The following POSTN variants were observed in gnomAD, a reference collection of about 807,000 sequenced individuals.
POSTN encodes osteoblast specific factor 2 (fasciclin I-like).
Under a neutral mutation model 104.5 loss-of-function variants are expected in POSTN, and 71 were observed. The observed-to-expected ratio is 0.68, with a 90% CI of 0.56 to 0.83. POSTN has a LOEUF of 0.83. POSTN is among the 40% of genes least tolerant of loss of function. The pLI is 0.00. For missense variants in POSTN, 949 were observed against 1,006.8 expected (o/e 0.94, Z 0.78); for synonymous variants, 355 against 340.7 (o/e 1.04, Z -0.46).
chr13:37,567,164 A>T (rs1244296915), intron 21 of POSTN, among the ~76,000 whole-genome samples: 1 of 129,482 alleles, frequency 7.7e-6, no homozygotes, highest in Non-Finnish European at 1.6e-5. Flanking sequence ...TGAACCCGGG[A>T]GGCGGAGCTT....
At chr13:37,569,429 A>G (rs907775826) in intron 20 of POSTN, 46 bp from the exon 21 acceptor site, 2 of 1,394,054 alleles carry the variant, frequency 1.4e-6, no homozygotes, top group African/African-American at 2.8e-5. Context: ...ATATAACAAA[A>G]TAAAGACAGC....
intron 22 of POSTN, 30 bp from the exon 23 acceptor site, chr13:37,563,400 CTGTAAA>C: frequency 6.9e-7 from 1 of 1,445,566 alleles, no homozygotes; most frequent in East Asian, 2.3e-5. Flanking sequence ...AATGTATAGA[CTGTAAA>C]TGTTAGGAAA....
At chr13:37,585,532 G>A (rs1300202855) in intron 7 of POSTN, among the ~76,000 whole-genome samples, 1 of 152,154 alleles carries the variant, frequency 6.6e-6, no homozygotes, top group Non-Finnish European at 1.5e-5. Context: ...GCAACTTCTA[G>A]AAAGTAACCA....
chr13:37,574,941 A>G (rs144786017), intron 16 of POSTN, among the ~76,000 whole-genome samples: 1 of 152,122 alleles, frequency 6.6e-6, no homozygotes, highest in Non-Finnish European at 1.5e-5. Context: ...TGTACCGCTA[A>G]AGCGCTTTAC....
At position 37,569,399 on chromosome 13, in the gene POSTN, T is replaced by C. The variant is rs757277314; in HGVS notation, c.2348-16A>G. 2 of 1,584,268 alleles carry C rather than the reference T, an allele frequency of 1.3e-6. No homozygotes were observed. The highest frequency in any genetic ancestry group is 1.3e-5 in the African/African-American group (1 of 74,208). ...TTGGTGACCTCTGAGAGGATACATG[T>C]TTATAGCAGAAATTGGTTTATATAA... On this transcript the variant is annotated splice_polypyrimidine_tract_variant and intron_variant, in intron 20 of 22. Transcript: ENST00000379747.
At position 37,590,467 on chromosome 13, in the gene POSTN, A is replaced by G. The variant is rs767199798; in HGVS notation, c.346T>C (p.Tyr116His). The G allele has an allele frequency of 6.8e-6, 11 of 1,613,442 alleles. No homozygotes were observed. The South Asian group carries it at 1.2e-4, about 18-fold the overall frequency. ...TCCCTCAGTTTTGAGGCGTCAGAAT[A>G]GCGCTGCGTTGTGGTGGCTCCCACG... ...GIVGATTTQR[Y>H]SDASKLREEI... Residue 116 changes from tyrosine (Y) to histidine (H), a missense_variant, in exon 4 of 23, where the codon TAT (tyrosine) becomes CAT (histidine). Physicochemically the swap from Tyr to His is moderately conservative, Grantham distance 83. Transcript: ENST00000379747.
chr13:37,564,197 T>C (rs1215988244), intron 22 of POSTN, among the ~76,000 whole-genome samples: 8,889 of 40,686 alleles, frequency 0.22, 724 homozygotes, highest in African/African-American at 0.33. Flanking sequence ...TATATATATA[T>C]ATATATATAT....
At position 37,598,663 on chromosome 13, in the gene POSTN, T is replaced by C. The variant is rs1049676466; in HGVS notation, c.64A>G (p.Asn22Asp). 20 of 1,613,482 alleles carry C rather than the reference T, an allele frequency of 1.2e-5. No individual in the cohort carries two copies. The highest frequency in any genetic ancestry group is 5.0e-5 in the Admixed American group (3 of 59,984). Residue 22 changes from asparagine (N) to aspartate (D), a missense_variant, in exon 1 of 23, where the codon AAC (asparagine) becomes GAC (aspartate). Physicochemically the swap from Asn to Asp is conservative, Grantham distance 23. Transcript: ENST00000379747. ...LLLIVNPINA[N>D]NHYDKILAHS... ...GCCAAGATCTTGTCATAATGATTGT[T>C]GGCGTTTATAGGGTTAACAATAAGC...
chr13:37,586,969 T>G, intron 5 of POSTN, 41 bp from the exon 6 acceptor site: 1 of 1,598,046 alleles, frequency 6.3e-7, no homozygotes, highest in Non-Finnish European at 8.6e-7. Context: ...AAACCAGAGA[T>G]ACCCATTGAC....
chr13:37,581,450 C>A (rs141547364), intron 10 of POSTN, among the ~76,000 whole-genome samples: 1 of 152,100 alleles, frequency 6.6e-6, no homozygotes, highest in Non-Finnish European at 1.5e-5. Context: ...CTGGGTGCAG[C>A]GGCTCATGCC....
At chr13:37,586,397 G>T in intron 6 of POSTN, 117 bp from the exon 7 acceptor site, 1 of 1,097,274 alleles carries the variant, frequency 9.1e-7, no homozygotes, top group Non-Finnish European at 1.3e-6. Context: ...GAGGTTTGTT[G>T]TTGTTAAATC....
chr13:37,580,303 A>G (rs1430467388), intron 11 of POSTN, among the ~76,000 whole-genome samples: 1 of 152,202 alleles, frequency 6.6e-6, no homozygotes, highest in South Asian at 2.1e-4. Flanking sequence ...TATACCATCA[A>G]TTTCTAAAAA....
At chr13:37,580,333 A>G (rs552499313) in intron 11 of POSTN, among the ~76,000 whole-genome samples, 1 of 152,330 alleles carries the variant, frequency 6.6e-6, no homozygotes, top group East Asian at 1.9e-4. Context: ...AAATGTCAAG[A>G]AGTAGTTTAG....
At chr13:37,595,014 T>TAAA (rs1157304869) in intron 2 of POSTN, among the ~76,000 whole-genome samples, 2 of 136,590 alleles carry the variant, frequency 1.5e-5, no homozygotes, top group Non-Finnish European at 1.6e-5. Flanking sequence ...CATTTCTGGT[T>TAAA]AAAAAAAAAA....
At chr13:37,583,442 CG>C (rs1236843356) in intron 9 of POSTN, among the ~76,000 whole-genome samples, 2 of 117,012 alleles carry the variant, frequency 1.7e-5, no homozygotes, top group Non-Finnish European at 3.4e-5. Context: ...TTTTAAGTTT[CG>C]TTTTTTTTTT....
In POSTN at chr13:37,562,950, T is replaced by C. The variant is rs992226789; in HGVS notation, c.*383A>G. The C allele has an allele frequency of 6.4e-6, 1 of 156,146 alleles. No homozygotes were observed. The highest frequency in any genetic ancestry group is 1.4e-5 in the Non-Finnish European group (1 of 70,662). 9.7% of individuals were successfully genotyped at this position (156,146 alleles called of 1,614,324 possible). A position where few individuals can be genotyped will look rare whatever the true frequency, so the allele number is the denominator to read the frequency against. On this transcript the variant is annotated 3_prime_UTR_variant, in exon 23 of 23. Coordinates refer to ENST00000379747, the MANE Select transcript of POSTN (RefSeq NM_006475.3). ...GAGATAATGGCTTGCGTGCATTTTATGTATCCATAACATACATACAAGGCT... is the reference window on the plus strand; with the variant it reads ...GAGATAATGGCTTGCGTGCATTTTACGTATCCATAACATACATACAAGGCT...
At chr13:37,580,824 G>C in intron 10 of POSTN, 127 bp from the exon 11 acceptor site, 1 of 1,029,214 alleles carries the variant, frequency 9.7e-7, no homozygotes, top group Non-Finnish European at 1.4e-6. Context: ...GAGGCCACGG[G>C]AACAGCTTCT....
chr13:37,577,129 G>C (rs578251193), intron 16 of POSTN, among the ~76,000 whole-genome samples: 1 of 152,066 alleles, frequency 6.6e-6, no homozygotes, highest in East Asian at 1.9e-4. Context: ...TATACTACTA[G>C]CTACACTTAT....
intron 21 of POSTN, among the ~76,000 whole-genome samples, chr13:37,567,317 A>G (rs1258031506): frequency 6.6e-6 from 1 of 151,264 alleles, no homozygotes; most frequent in African/African-American, 2.4e-5. Flanking sequence ...AGTTTTAGGT[A>G]GAACTTATTG....
Sources: gnomAD v4.1 joint callset for allele counts (sites outside exome capture counted in the v4.1 genomes callset) on GRCh38, gnomAD v4.1.1 for gene constraint, MANE v1.5 for transcripts, NCBI Gene and HGNC (gene_info 2026-07-23, HGNC 2026-07-21) for gene names.